The following PTPRS variants were observed in gnomAD, a reference collection of about 807,000 sequenced individuals.
PTPRS encodes the protein protein tyrosine phosphatase receptor type S.
In PTPRS, 63 loss-of-function variants were observed where a neutral mutation model predicts 215.3. That is an observed-to-expected ratio of 0.29 (90% CI 0.24 to 0.36). The LOEUF is 0.36. Among genes scored for constraint, PTPRS ranks in the 10% least tolerant of loss-of-function variants. PTPRS has a pLI of 1.00. For missense variants in PTPRS, 2,258 were observed against 2,825.8 expected (o/e 0.80, Z 4.56); for synonymous variants, 1,404 against 1,191.4 (o/e 1.18, Z -3.68).
chr19:5,305,729 T>TA (rs2049460554), intron 1 of PTPRS, among the ~76,000 whole-genome samples: 1 of 108,846 alleles, frequency 9.2e-6, no homozygotes, highest in Non-Finnish European at 2.0e-5. Flanking sequence ...ACCCCGTCTC[T>TA]GAAAAATAAA....
intron 12 of PTPRS, among the ~76,000 whole-genome samples, chr19:5,239,851 TAAAC>T (rs758544885): frequency 3.8e-4 from 56 of 148,696 alleles, no homozygotes; most frequent in Non-Finnish European, 7.4e-4. Context: ...GACAGAGACA[TAAAC>T]AGACAGAAAC....
Position 5,208,014 on chromosome 19 carries a change from C to G in PTPRS, c.5686G>C (p.Val1896Leu). 1.9e-6 allele frequency: 3 copies of G among 1,613,972 alleles called. No homozygotes were observed. Among genetic ancestry groups the G allele is most frequent in the Non-Finnish European group, 2.5e-6 (3 of 1,180,016 alleles). Residue 1896 changes from valine (V) to leucine (L), a missense_variant, in exon 37 of 38, where the codon GTG (valine) becomes CTG (leucine). Physicochemically the swap from Val to Leu is conservative, Grantham distance 32. This residue lies in a region of PTPRS where 89 missense variants were observed against 104.0 expected (regional missense o/e 0.86). Coordinates refer to ENST00000262963, the MANE Select transcript of PTPRS (RefSeq NM_002850.4). ...RTGVFITLSI[V>L]LERMRYEGVV... ...CCTTCATACCGCATCCGCTCCAGCACGATGCTAAGCGTGATGAAGACGCCC... is the reference window on the plus strand; with the variant it reads ...CCTTCATACCGCATCCGCTCCAGCAGGATGCTAAGCGTGATGAAGACGCCC...
At chr19:5,301,323 T>TG (rs2049297495) in intron 1 of PTPRS, among the ~76,000 whole-genome samples, 2 of 151,036 alleles carry the variant, frequency 1.3e-5, no homozygotes, top group Non-Finnish European at 3.0e-5. Context: ...TGCTGTTTTT[T>TG]TTTTTTTTTT....
intron 4 of PTPRS, among the ~76,000 whole-genome samples, chr19:5,265,719 G>A (rs1346720617): frequency 6.6e-6 from 1 of 151,728 alleles, no homozygotes; most frequent in Non-Finnish European, 1.5e-5. Flanking sequence ...ACTGGGGGGT[G>A]ACTCTGCTGC....
In PTPRS at chr19:5,260,876, G is replaced by T. The variant is rs939612231; in HGVS notation, c.578-54C>A. The stretch of plus-strand genomic sequence containing the variant: ...AATGTCACAAGGCGGTTGTTGGGGG[G>T]CCGGGGGGCCCCAGGGAAGCTGGGC... On this transcript the variant is annotated intron_variant, in intron 6 of 37. Transcript: ENST00000262963. 20 of 1,602,712 alleles carry T rather than the reference G, an allele frequency of 1.2e-5. No individual in the cohort carries two copies. The East Asian group carries it at 4.3e-4, about 34-fold the overall frequency.
At position 5,220,128 on chromosome 19, in the gene PTPRS, CTG is replaced by C; in HGVS notation, c.3574_3575del (p.Gln1192GlufsTer41). On this transcript the variant is annotated frameshift_variant, in exon 22 of 38. Coordinates refer to ENST00000262963, the MANE Select transcript of PTPRS (RefSeq NM_002850.4). LOFTEE classifies it high-confidence loss of function. ...EELIQDISRL[Q>X]RRSLRHSRQL... Reference sequence around the variant, plus strand: ...GACGCGAGTGCCGCAGGCTGCGCCTCTGTAGCCGTGAGATGTCCTGGATGAGC... The same window carrying C: ...GACGCGAGTGCCGCAGGCTGCGCCTCTAGCCGTGAGATGTCCTGGATGAGC... The C allele has an allele frequency of 6.2e-7, 1 of 1,612,636 alleles. No homozygotes were observed. The highest frequency in any genetic ancestry group is 8.5e-7 in the Non-Finnish European group (1 of 1,179,520).
intron 1 of PTPRS, among the ~76,000 whole-genome samples, chr19:5,305,939 CAAAAAAAAAAAAAAAAAA>C (rs35165317): frequency 4.4e-5 from 1 of 22,644 alleles, no homozygotes; most frequent in Non-Finnish European, 6.9e-5. Context: ...GACTCCGTCT[CAAAAAAAAAAAAAAAAAA>C]AAAAAAAAAA....
chr19:5,235,447 A>G (rs573643657), intron 13 of PTPRS, among the ~76,000 whole-genome samples: 13 of 152,246 alleles, frequency 8.5e-5, no homozygotes, highest in Non-Finnish European at 1.8e-4. Context: ...TTCAGTAAAA[A>G]CTGTGTAACC....
intron 1 of PTPRS, among the ~76,000 whole-genome samples, chr19:5,337,881 AC>A (rs1407131449): frequency 6.6e-6 from 1 of 152,094 alleles, no homozygotes; most frequent in Non-Finnish European, 1.5e-5. Context: ...GGCGCACTGA[AC>A]GCTCAACCGG....
At chr19:5,240,384 A>G in intron 11 of PTPRS, 52 bp from the exon 12 acceptor site, 1 of 1,501,232 alleles carries the variant, frequency 6.7e-7, no homozygotes. Context: ...CACCCCACAA[A>G]GGGGGCCCCA....
chr19:5,268,794 G>C (rs1322473446), intron 4 of PTPRS, among the ~76,000 whole-genome samples: 1 of 152,226 alleles, frequency 6.6e-6, no homozygotes, highest in Admixed American at 6.5e-5. Context: ...CATACAGCCA[G>C]CATGTAGCAA....
intron 35 of PTPRS, among the ~76,000 whole-genome samples, chr19:5,209,618 T>C (rs2040678256): frequency 6.6e-6 from 1 of 152,160 alleles, no homozygotes. Flanking sequence ...TTCCCATTGA[T>C]TTTCTCCACC....
rs1366905912 is a variant in PTPRS, at chr19:5,206,828, G to A, written c.5793C>T (p.Phe1931=). The change falls in exon 38 of 38, where the codon TTC becomes TTT. Residue 1931 remains phenylalanine, a synonymous_variant. Coordinates refer to ENST00000262963, the MANE Select transcript of PTPRS (RefSeq NM_002850.4). The part of the protein sequence containing the change: ...AMVQTEDEYQ[F]CYQAALEYLG... Reference sequence around the variant, plus strand: ...GGTACTCCAGTGCCGCCTGGTAACAGAACTGGTACTCATCCTGGGGGAGCA... The same window carrying A: ...GGTACTCCAGTGCCGCCTGGTAACAAAACTGGTACTCATCCTGGGGGAGCA... 1 of 1,614,132 alleles carries A rather than the reference G, an allele frequency of 6.2e-7. No homozygotes were observed.
At position 5,258,174 on chromosome 19, in the gene PTPRS, G is replaced by C. The variant is rs549729932; in HGVS notation, c.596-47C>G. 5 of 1,499,116 alleles carry C rather than the reference G, an allele frequency of 3.3e-6. No individual in the cohort carries two copies. The Admixed American group carries it at 8.4e-5, about 25-fold the overall frequency. 92.9% of individuals were successfully genotyped at this position (1,499,116 alleles called of 1,614,324 possible). A position where few individuals can be genotyped will look rare whatever the true frequency, so the allele number is the denominator to read the frequency against. On this transcript the variant is annotated intron_variant, in intron 7 of 37. Coordinates refer to ENST00000262963, the MANE Select transcript of PTPRS (RefSeq NM_002850.4). ...CTTGGTCTGTTAGAGGGGGGCCCAG[G>C]AGTGAACAGGGAAAGCTCCCCCACC...
At chr19:5,308,202 G>T (rs1015680008) in intron 1 of PTPRS, among the ~76,000 whole-genome samples, 1 of 152,144 alleles carries the variant, frequency 6.6e-6, no homozygotes, top group African/African-American at 2.4e-5. Context: ...TGCCAGCCAC[G>T]CCCGGAGGGC....
chr19:5,224,031 G>C (rs1303691151), intron 17 of PTPRS, among the ~76,000 whole-genome samples: 1 of 151,844 alleles, frequency 6.6e-6, no homozygotes, highest in Non-Finnish European at 1.5e-5. Flanking sequence ...ATACAAAAAT[G>C]AGCCGGGGGT....
chr19:5,222,636 G>C (rs1346699979), intron 18 of PTPRS, 53 bp downstream of exon 18: 1 of 1,450,682 alleles, frequency 6.9e-7, no homozygotes, highest in Admixed American at 2.5e-5. Context: ...GCTGGGGTGG[G>C]GGTGGGCGCA....
rs1364755919 is a variant in PTPRS, at chr19:5,215,371, G to T, written c.4236C>A (p.Asn1412Lys). 1.2e-6 allele frequency: 2 copies of T among 1,613,948 alleles called. No individual in the cohort carries two copies. The highest frequency in any genetic ancestry group is 1.7e-5 in the Admixed American group (1 of 60,004). ...PGQQFTWEHS[N>K]LEVNKPKNRY... ...GGTTCTTCGGCTTGTTCACTTCCAG[G>T]TTGGAATGTTCCCATGTGAACTGCT... Residue 1412 changes from asparagine to lysine, a missense_variant, in exon 28 of 38, where the codon AAC becomes AAA. Around this residue, in one of 6 missense-constraint regions of PTPRS, gnomAD observed 927 missense variants for 1,125.9 expected, o/e 0.82. Coordinates refer to ENST00000262963, the MANE Select transcript of PTPRS (RefSeq NM_002850.4).
At chr19:5,222,613 G>C in intron 18 of PTPRS, 76 bp downstream of exon 18, 1 of 1,398,028 alleles carries the variant, frequency 7.2e-7, no homozygotes, top group Non-Finnish European at 9.4e-7. Flanking sequence ...CCTGGGCAGG[G>C]GAGAGGGAGG....
Sources: gnomAD v4.1 joint callset for allele counts (sites outside exome capture counted in the v4.1 genomes callset) on GRCh38, gnomAD v4.1.1 for gene constraint, gnomAD v4.1.1 regional missense constraint, MANE v1.5 for transcripts, NCBI Gene and HGNC (gene_info 2026-07-23, HGNC 2026-07-21) for gene names.